HGSNAT: variants seen among roughly 807,000 people sequenced by gnomAD.
HGSNAT encodes heparan-alpha-glucosaminide N-acetyltransferase.
Under a neutral mutation model 85.2 loss-of-function variants are expected in HGSNAT, and 59 were observed. That is an observed-to-expected ratio of 0.69 (90% CI 0.56 to 0.86). The LOEUF is 0.86. HGSNAT is among the 40% of genes least tolerant of loss of function. The pLI, the probability that HGSNAT is intolerant of heterozygous loss-of-function variation, is 0.00. For synonymous variants in HGSNAT, 321 were observed against 304.5 expected (o/e 1.05, Z -0.56); for missense variants, 756 against 777.1 (o/e 0.97, Z 0.32).
In HGSNAT at chr8:43,158,991, G is replaced by C. The variant is rs1803183371; in HGVS notation, c.440G>C (p.Ser147Thr). Residue 147 changes from serine (S) to threonine (T), a missense_variant, in exon 4 of 18, where the codon AGT becomes ACT. By Grantham distance (58) the Ser-to-Thr change is moderately conservative. Coordinates refer to ENST00000379644, the MANE Select transcript of HGSNAT (RefSeq NM_152419.3). Reference sequence around the variant, plus strand: ...GTAAAGAACATCCATAATGGAGTTAGTGAAATTGCCTGTGACCTGGCTGTG... The same window carrying C: ...GTAAAGAACATCCATAATGGAGTTACTGAAATTGCCTGTGACCTGGCTGTG... ...LLVKNIHNGV[S>T]EIACDLAVNE... The C allele has an allele frequency of 8.7e-6, 14 of 1,613,742 alleles. No homozygotes were observed. The highest frequency in any genetic ancestry group is 1.2e-5 in the Non-Finnish European group (14 of 1,179,682).
intron 4 of HGSNAT, among the ~76,000 whole-genome samples, 167 bp downstream of exon 4, chr8:43,159,211 G>A (rs987086309): frequency 2.0e-5 from 3 of 152,012 alleles, no homozygotes; most frequent in Non-Finnish European, 4.4e-5. Context: ...ATAAATTATA[G>A]GTTATTTCTA....
At chr8:43,170,541 C>T (rs1018517381) in intron 6 of HGSNAT, 44 bp from the exon 7 acceptor site, 26 of 1,339,670 alleles carry the variant, frequency 1.9e-5, no homozygotes, top group Non-Finnish European at 2.5e-5. Flanking sequence ...GAAATTTACC[C>T]CTTAGCATTA....
intron 17 of HGSNAT, 23 bp downstream of exon 17, chr8:43,197,975 CAG>C (rs1221278559): frequency 6.5e-7 from 1 of 1,540,838 alleles, no homozygotes; most frequent in Non-Finnish European, 8.9e-7. Flanking sequence ...CAACCTCAAA[CAG>C]AGCTGGGATG....
intron 11 of HGSNAT, among the ~76,000 whole-genome samples, chr8:43,189,241 A>C (rs1050561717): frequency 6.6e-6 from 1 of 152,202 alleles, no homozygotes; most frequent in Non-Finnish European, 1.5e-5. Flanking sequence ...GGTGGAGTCT[A>C]CAGAGGCAGG....
chr8:43,169,187 A>AAAT lies in HGSNAT; in HGVS notation c.578_579insAAT (p.Asn193delinsLysIle), dbSNP rs1803533476. On this transcript the variant is annotated protein_altering_variant, in exon 6 of 18. Coordinates refer to ENST00000379644, the MANE Select transcript of HGSNAT (RefSeq NM_152419.3). Reference sequence around the variant, plus strand: ...TTTATTTTCAGTTTGGATGACTTTAACAATTGGATTTCTAAAGCCATAAGT... The same window carrying AAAT: ...TTTATTTTCAGTTTGGATGACTTTAAAATCAATTGGATTTCTAAAGCCATAAGT... 1.3e-6 allele frequency: 2 copies of AAAT among 1,569,040 alleles called. No homozygotes were observed.
At chr8:43,193,317 T>TA (rs1054235961) in intron 13 of HGSNAT, among the ~76,000 whole-genome samples, 2 of 152,092 alleles carry the variant, frequency 1.3e-5, no homozygotes, top group African/African-American at 4.8e-5. Flanking sequence ...TATTTTATAA[T>TA]AAAAAAAGAA....
intron 2 of HGSNAT, among the ~76,000 whole-genome samples, chr8:43,153,561 C>A (rs1218380265): frequency 6.6e-6 from 1 of 152,036 alleles, no homozygotes; most frequent in Non-Finnish European, 1.5e-5. Context: ...CTTGTCATTT[C>A]TTTGTGGTGC....
chr8:43,165,209 A>G (rs1175190522), intron 5 of HGSNAT, among the ~76,000 whole-genome samples: 1 of 151,898 alleles, frequency 6.6e-6, no homozygotes, highest in Non-Finnish European at 1.5e-5. Flanking sequence ...AAACTTTTTC[A>G]TACTATTATA....
Position 43,197,716 on chromosome 8 carries a change from C to T in HGSNAT, c.1587C>T (p.Gly529=). ...TGACGAAGGTTTCTGAAAATGAAGG[C>T]TTTATTCCAGTAAACAAAAATCTCT... ...VALTKVSENE[G]FIPVNKNLWS... The change falls in exon 16 of 18, where the codon GGC becomes GGT. Residue 529 remains glycine (G), a synonymous_variant. Transcript: ENST00000379644. 5 of 1,613,374 alleles carry T rather than the reference C, an allele frequency of 3.1e-6. No individual in the cohort carries two copies. Among genetic ancestry groups the T allele is most frequent in the Non-Finnish European group, 4.2e-6 (5 of 1,179,352 alleles).
Position 43,192,399 on chromosome 8 carries a change from A to G in HGSNAT, c.1346A>G (p.Asp449Gly). ...TACATCGACCGCCTGCTGCTGGGAG[A>G]CGATCACCTTTACCAGCACCCATCT... The part of the protein sequence containing the change: ...AGYIDRLLLG[D>G]DHLYQHPSSA... The change falls in exon 13 of 18, where the codon GAC becomes GGC. Residue 449 changes from aspartate to glycine, a missense_variant. By Grantham distance (94) the Asp-to-Gly change is moderately conservative. Transcript: ENST00000379644. The G allele has an allele frequency of 1.9e-6, 3 of 1,613,440 alleles. No homozygotes were observed. The highest frequency in any genetic ancestry group is 2.5e-6 in the Non-Finnish European group (3 of 1,179,704).
intron 2 of HGSNAT, among the ~76,000 whole-genome samples, chr8:43,154,035 T>A (rs1419627008): frequency 6.6e-6 from 1 of 151,324 alleles, no homozygotes; most frequent in Non-Finnish European, 1.5e-5. Flanking sequence ...TTTGACAAAC[T>A]GATTTTCTTT....
At chr8:43,151,483 G>A (rs1052054462) in intron 2 of HGSNAT, among the ~76,000 whole-genome samples, 6 of 152,174 alleles carry the variant, frequency 3.9e-5, no homozygotes, top group African/African-American at 1.2e-4. Flanking sequence ...TAAGTAACAC[G>A]TGTGGCAGAA....
intron 10 of HGSNAT, 159 bp from the exon 11 acceptor site, chr8:43,181,986 A>C (rs1369351608): frequency 9.0e-6 from 6 of 664,124 alleles, no homozygotes; most frequent in Non-Finnish European, 1.3e-5. Context: ...GGCTGAGCCC[A>C]TGTCTCTTGA....
Position 43,188,779 on chromosome 8 carries a change from G to T in HGSNAT, c.1129-2695G>T, listed in dbSNP as rs571978097. Among the ~76,000 whole-genome samples the T allele has an allele frequency of 2.0e-5, 3 of 152,274 alleles. No homozygotes were observed. The East Asian group carries it at 5.8e-4, about 29-fold the overall frequency. On this transcript the variant is annotated intron_variant, in intron 11 of 17. Coordinates refer to ENST00000379644, the MANE Select transcript of HGSNAT (RefSeq NM_152419.3). ...GCTCTGTTTTCTCCCCATCTTTGTGGTTTTATCTACCTTTGGTCTTTGATG... is the reference window on the plus strand; with the variant it reads ...GCTCTGTTTTCTCCCCATCTTTGTGTTTTTATCTACCTTTGGTCTTTGATG...
chr8:43,158,306 G>A (rs558500174), intron 2 of HGSNAT, among the ~76,000 whole-genome samples: 1 of 152,226 alleles, frequency 6.6e-6, no homozygotes, highest in Admixed American at 6.5e-5. Flanking sequence ...CACCATGTTG[G>A]CCAGGATGGT....
At chr8:43,186,491 C>G (rs1395288208) in intron 11 of HGSNAT, among the ~76,000 whole-genome samples, 1 of 151,872 alleles carries the variant, frequency 6.6e-6, no homozygotes, top group African/African-American at 2.4e-5. Context: ...TGATATCACC[C>G]TTATCATTTT....
intron 1 of HGSNAT, among the ~76,000 whole-genome samples, chr8:43,141,213 C>T (rs551052079): frequency 6.6e-6 from 1 of 152,246 alleles, no homozygotes; most frequent in South Asian, 2.1e-4. Flanking sequence ...GGTGGGGGCG[C>T]GGCCTGCAGC....
intron 5 of HGSNAT, among the ~76,000 whole-genome samples, chr8:43,162,655 G>A (rs561763277): frequency 2.6e-5 from 4 of 151,648 alleles, no homozygotes; most frequent in African/African-American, 9.7e-5. Context: ...GGGCTCAGGT[G>A]ATTCTCCCAC....
At chr8:43,172,085 T>C (rs373791131) in intron 7 of HGSNAT, among the ~76,000 whole-genome samples, 1 of 152,232 alleles carries the variant, frequency 6.6e-6, no homozygotes, top group Admixed American at 6.5e-5. Context: ...TAAGACATCA[T>C]GTTGGCAGTG....
Sources: allele counts gnomAD v4.1 joint callset (sites outside exome capture counted in the v4.1 genomes callset), GRCh38; gene constraint gnomAD v4.1.1; transcripts MANE v1.5; gene names NCBI Gene and HGNC (gene_info 2026-07-23, HGNC 2026-07-21).